GLYAT: variants seen among roughly 807,000 people sequenced by gnomAD.
GLYAT encodes the protein glycine-N-acyltransferase.
In GLYAT, 25 loss-of-function variants were observed where a neutral mutation model predicts 22.8. That is an observed-to-expected ratio of 1.09 (90% CI 0.80 to 1.53). The LOEUF is 1.53. Among genes scored for constraint, GLYAT ranks in the 40% most tolerant of loss-of-function variants. The pLI, the probability that GLYAT is intolerant of heterozygous loss-of-function variation, is 0.00. For missense variants in GLYAT, 411 were observed against 353.9 expected, an observed-to-expected ratio of 1.16 and a Z score of -1.29; for synonymous variants, 140 against 122.7, an observed-to-expected ratio of 1.14 and a Z score of -0.93.
chr11:58,716,813 A>C (rs1164843908), intron 2 of GLYAT, among the ~76,000 whole-genome samples: 1 of 152,120 alleles, frequency 6.6e-6, no homozygotes, highest in Non-Finnish European at 1.5e-5. Context: ...ACACATGCCC[A>C]AGGTGGCTGG....
intron 2 of GLYAT, among the ~76,000 whole-genome samples, chr11:58,723,676 T>C (rs796074735): frequency 6.6e-5 from 10 of 152,128 alleles, no homozygotes; most frequent in African/African-American, 1.9e-4. Context: ...TTGGGTTCCA[T>C]TGGAGTGAGC....
At chr11:58,727,759 C>A (rs1411499109) in intron 1 of GLYAT, among the ~76,000 whole-genome samples, 1 of 152,098 alleles carries the variant, frequency 6.6e-6, no homozygotes, top group Non-Finnish European at 1.5e-5. Flanking sequence ...TGGTATGTGA[C>A]CTTCTAGGGA....
chr11:58,718,452 C>T (rs11229597), intron 2 of GLYAT, among the ~76,000 whole-genome samples: 32,882 of 151,856 alleles, frequency 0.22, 3,972 homozygotes, highest in African/African-American at 0.31. Context: ...GCTTGATACT[C>T]ATTAACATTT....
chr11:58,716,383 C>CT (rs1856680316), intron 2 of GLYAT, among the ~76,000 whole-genome samples: 1 of 8,300 alleles, frequency 1.2e-4, no homozygotes, highest in Non-Finnish European at 3.8e-4. Context: ...TTCCCTCCTG[C>CT]TGCCCCTACC....
At position 58,709,613 on chromosome 11, in the gene GLYAT, G is replaced by T; in HGVS notation, c.*153C>A. On this transcript the variant is annotated 3_prime_UTR_variant, in exon 6 of 6. Transcript: ENST00000344743. ...AACCTGTGAATGCAGGGACCATGGC[G>T]ATGCTGTTGAACATCACACTGCTTC... is the stretch of plus-strand genomic sequence containing the variant. The T allele has an allele frequency of 1.4e-6, 1 of 726,074 alleles. No individual in the cohort carries two copies. The highest frequency in any genetic ancestry group is 2.2e-6 in the Non-Finnish European group (1 of 454,652). 45.0% of individuals were successfully genotyped at this position (726,074 alleles called of 1,614,324 possible).
In GLYAT at chr11:58,709,341, T is replaced by A; in HGVS notation, c.*425A>T. On this transcript the variant is annotated 3_prime_UTR_variant, in exon 6 of 6. Transcript: ENST00000344743. Reference sequence around the variant, plus strand: ...ATCTCTAAAGACCTGCTGAGGAGAGTCCACTTGTTGATCATAAGGGAAAGG... The same window carrying A: ...ATCTCTAAAGACCTGCTGAGGAGAGACCACTTGTTGATCATAAGGGAAAGG... 1 of 156,802 alleles carries A rather than the reference T, an allele frequency of 6.4e-6. No homozygotes were observed. The highest frequency in any genetic ancestry group is 1.4e-5 in the Non-Finnish European group (1 of 72,276). 9.7% of individuals were successfully genotyped at this position (156,802 alleles called of 1,614,324 possible). A position where few individuals can be genotyped will look rare whatever the true frequency, so the allele number is the denominator to read the frequency against.
At chr11:58,715,208 T>A in intron 3 of GLYAT, 108 bp downstream of exon 3, 1 of 603,680 alleles carries the variant, frequency 1.7e-6, no homozygotes, top group Non-Finnish European at 2.9e-6. Flanking sequence ...ACTTGTTGAC[T>A]ATTACTATGA....
intron 1 of GLYAT, among the ~76,000 whole-genome samples, chr11:58,730,774 CAA>C (rs1288011298): frequency 2.0e-5 from 3 of 152,118 alleles, no homozygotes; most frequent in Non-Finnish European, 4.4e-5. Flanking sequence ...AAATACAAAA[CAA>C]AACAAAAACT....
chr11:58,714,352 A>G (rs1430282681), intron 3 of GLYAT, among the ~76,000 whole-genome samples: 1 of 152,222 alleles, frequency 6.6e-6, no homozygotes, highest in Non-Finnish European at 1.5e-5. Context: ...TGATTTTTAA[A>G]TAACTTTATT....
At chr11:58,723,361 A>G (rs1387239118) in intron 2 of GLYAT, among the ~76,000 whole-genome samples, 1 of 152,092 alleles carries the variant, frequency 6.6e-6, no homozygotes, top group East Asian at 1.9e-4. Flanking sequence ...AAGGTGGGTA[A>G]CTTTAGATTT....
chr11:58,729,626 T>C (rs1048175727), intron 1 of GLYAT, among the ~76,000 whole-genome samples: 1 of 152,184 alleles, frequency 6.6e-6, no homozygotes, highest in African/African-American at 2.4e-5. Context: ...TAATTGTCTG[T>C]CTAATCACTC....
At chr11:58,716,692 C>T (rs867211621) in intron 2 of GLYAT, among the ~76,000 whole-genome samples, 3 of 151,928 alleles carry the variant, frequency 2.0e-5, no homozygotes, top group African/African-American at 7.3e-5. Flanking sequence ...CTACTGGACC[C>T]CAAACCTAGT....
rs1170311283 is a variant in GLYAT at position 58,710,692 on chromosome 11, G to A, written c.386C>T (p.Thr129Ile). 13 of 1,613,392 alleles carry A rather than the reference G, an allele frequency of 8.1e-6. No homozygotes were observed. Among genetic ancestry groups the A allele is most frequent in the East Asian group, 4.5e-5 (2 of 44,864 alleles). Residue 129 changes from threonine (T) to isoleucine (I), a missense_variant, in exon 5 of 6, where the codon ACA (threonine) becomes ATA (isoleucine). Transcript: ENST00000344743. ...AAIKSFKVKQ[T>I]QRILYMAAET... Reference sequence around the variant, plus strand: ...AGCTGCCATATAGAGAATGCGTTGTGTTTGTTTGACTTTGAAGGACTTAAT... The same window carrying A: ...AGCTGCCATATAGAGAATGCGTTGTATTTGTTTGACTTTGAAGGACTTAAT...
At chr11:58,727,880 A>G (rs1043740767) in intron 1 of GLYAT, among the ~76,000 whole-genome samples, 1 of 152,042 alleles carries the variant, frequency 6.6e-6, no homozygotes, top group Admixed American at 6.6e-5. Context: ...CATGTGGACA[A>G]CCCACCACAA....
chr11:58,715,173 G>C lies in GLYAT; in HGVS notation c.189+143C>G, dbSNP rs1301824753. 3 of 547,966 alleles carry C rather than the reference G, an allele frequency of 5.5e-6. No individual in the cohort carries two copies. In the East Asian group the frequency reaches 8.9e-5, roughly 16 times the overall value. 33.9% of individuals were successfully genotyped at this position (547,966 alleles called of 1,614,324 possible). On this transcript the variant is annotated intron_variant, in intron 3 of 5. Coordinates refer to ENST00000344743, the MANE Select transcript of GLYAT (RefSeq NM_201648.3). ...ATTGGTTGATCTATCTTGTCTTTCA[G>C]ACTCCGAGCTTCTTGAGGATGGGGA...
chr11:58,709,823 T>C lies in GLYAT; in HGVS notation c.834A>G (p.Thr278=), dbSNP rs1565053320. ...TTCTGGGAATGGGAACATGTTGCAG[T>C]GTGTAACTCATTTTTTGCATAGCTT... ...SNEAMQKMSY[T]LQHVPIPRSW... Residue 278 remains threonine (T), a synonymous_variant, in exon 6 of 6, where the codon ACA becomes ACG. Transcript: ENST00000344743. The C allele has an allele frequency of 6.2e-7, 1 of 1,613,934 alleles. No individual in the cohort carries two copies. Among genetic ancestry groups the C allele is most frequent in the African/African-American group, 1.3e-5 (1 of 75,046 alleles).
intron 2 of GLYAT, among the ~76,000 whole-genome samples, chr11:58,719,612 A>G (rs2134488656): frequency 6.6e-6 from 1 of 152,096 alleles, no homozygotes; most frequent in East Asian, 1.9e-4. Context: ...GCTTTAATTT[A>G]TTGCCCTGTG....
intron 2 of GLYAT, chr11:58,724,172 A>G (rs945995282): frequency 1.2e-5 from 5 of 402,756 alleles, no homozygotes; most frequent in African/African-American, 1.0e-4. Context: ...CTATGTTCAT[A>G]TCATAGCATT....
At chr11:58,727,960 G>A (rs1346563617) in intron 1 of GLYAT, among the ~76,000 whole-genome samples, 1 of 146,302 alleles carries the variant, frequency 6.8e-6, no homozygotes, top group Non-Finnish European at 1.5e-5. Flanking sequence ...CAAGGCAAAA[G>A]TTCAAACTAC....
Sources: gnomAD v4.1 joint callset for allele counts (sites outside exome capture counted in the v4.1 genomes callset) on GRCh38, gnomAD v4.1.1 for gene constraint, MANE v1.5 for transcripts, NCBI Gene and HGNC (gene_info 2026-07-23, HGNC 2026-07-21) for gene names.